Variants in NBAS observed in about 807,000 individuals in gnomAD.
The protein encoded by NBAS is NAG/BC035112 fusion.
NBAS carries 219 observed loss-of-function variants against 302.5 expected under a neutral mutation model. That is an observed-to-expected ratio of 0.72 (90% CI 0.65 to 0.81). The LOEUF is 0.81. Among genes scored for constraint, NBAS ranks in the 30% least tolerant of loss-of-function variants. NBAS has a pLI of 0.00. For synonymous variants in NBAS, 1,118 were observed against 1,021.6 expected (o/e 1.09, Z -1.80); for missense variants, 2,932 against 2,841.6 (o/e 1.03, Z -0.72).
chr2:15,446,835 C>T (rs1678771913), intron 21 of NBAS, among the ~76,000 whole-genome samples: 1 of 149,856 alleles, frequency 6.7e-6, no homozygotes, highest in Non-Finnish European at 1.5e-5. Context: ...TGAAGTTAGA[C>T]TATTATAAGT....
the NBAS span, among the ~76,000 whole-genome samples, chr2:14,793,117 TAAG>T: frequency 6.6e-6 from 1 of 151,434 alleles, no homozygotes; most frequent in African/African-American, 2.4e-5. Flanking sequence ...ATGAACAAAG[TAAG>T]AAGGAGGCCA....
the NBAS span, among the ~76,000 whole-genome samples, chr2:15,080,292 T>C: frequency 2.0e-4 from 30 of 152,222 alleles, no homozygotes; most frequent in Non-Finnish European, 4.0e-4. Context: ...CACCTAGAGA[T>C]AAGGTATTAA....
the NBAS span, among the ~76,000 whole-genome samples, chr2:14,871,381 C>T: frequency 1.3e-5 from 2 of 151,972 alleles, no homozygotes; most frequent in Non-Finnish European, 2.9e-5. Context: ...ACTTTTTAGA[C>T]ATATGACATC....
At chr2:15,514,436 A>G (rs889202634) in intron 9 of NBAS, among the ~76,000 whole-genome samples, 1 of 152,198 alleles carries the variant, frequency 6.6e-6, no homozygotes, top group African/African-American at 2.4e-5. Flanking sequence ...AAAATATGTG[A>G]TTCATAAAAC....
intron 38 of NBAS, among the ~76,000 whole-genome samples, chr2:15,311,815 C>A (rs1671289668): frequency 6.6e-6 from 1 of 152,038 alleles, no homozygotes; most frequent in South Asian, 2.1e-4. Context: ...TTGCCTAGTG[C>A]CAACACACAA....
intron 28 of NBAS, among the ~76,000 whole-genome samples, chr2:15,387,319 G>A (rs555857851): frequency 6.6e-6 from 1 of 151,948 alleles, no homozygotes; most frequent in African/African-American, 2.4e-5. Flanking sequence ...CGCCCGCCTC[G>A]GCCTCCCAAA....
chr2:15,353,741 C>T, intron 33 of NBAS, 31 bp from the exon 34 acceptor site: 1 of 1,613,496 alleles, frequency 6.2e-7, no homozygotes, highest in Non-Finnish European at 8.5e-7. Context: ...AAAATGATTC[C>T]CAAAAGAAGA....
At chr2:14,967,325 AG>A in the NBAS span, among the ~76,000 whole-genome samples, 1 of 152,198 alleles carries the variant, frequency 6.6e-6, no homozygotes, top group Non-Finnish European at 1.5e-5. Flanking sequence ...CTAAGGATCT[AG>A]AATAGACTAA....
At chr2:15,337,422 C>T (rs1031681564) in intron 35 of NBAS, among the ~76,000 whole-genome samples, 1 of 151,528 alleles carries the variant, frequency 6.6e-6, no homozygotes, top group Non-Finnish European at 1.5e-5. Context: ...CTCATGTAAC[C>T]AAATACCACC....
chr2:15,234,789 A>G, intron 45 of NBAS, 42 bp from the exon 46 acceptor site: 1 of 1,584,354 alleles, frequency 6.3e-7, no homozygotes, highest in Non-Finnish European at 8.7e-7. Flanking sequence ...TCAAATAGAA[A>G]TTAAATGTAT....
chr2:14,997,358 C>G, the NBAS span, among the ~76,000 whole-genome samples: 8 of 151,960 alleles, frequency 5.3e-5, no homozygotes, highest in Middle Eastern at 3.4e-3. Context: ...TACGTGGCTT[C>G]CCTTTCTAGT....
chr2:14,849,801 C>T, the NBAS span, among the ~76,000 whole-genome samples: 2 of 141,478 alleles, frequency 1.4e-5, no homozygotes, highest in African/African-American at 3.0e-5. Context: ...AAAGAATTTT[C>T]AACCCAGAAT....
chr2:15,352,862 A>T (rs941038390), intron 34 of NBAS, among the ~76,000 whole-genome samples: 3 of 151,848 alleles, frequency 2.0e-5, no homozygotes, highest in African/African-American at 7.3e-5. Flanking sequence ...CTATAGGGAA[A>T]CTGTCTTTCC....
chr2:15,472,066 C>T (rs918581392), intron 16 of NBAS, among the ~76,000 whole-genome samples: 15 of 152,140 alleles, frequency 9.9e-5, no homozygotes, highest in African/African-American at 3.1e-4. Context: ...AGGCATATTT[C>T]GCAGTTTTCA....
the NBAS span, among the ~76,000 whole-genome samples, chr2:14,930,370 G>A: frequency 6.6e-6 from 1 of 152,192 alleles, no homozygotes; most frequent in Non-Finnish European, 1.5e-5. Flanking sequence ...GAGTGTGGAA[G>A]CATGGAATAG....
chr2:15,159,934 C>A, the NBAS span, among the ~76,000 whole-genome samples: 8 of 152,072 alleles, frequency 5.3e-5, no homozygotes, highest in African/African-American at 1.9e-4. Flanking sequence ...GATATTGTTT[C>A]ATCTCTGTGA....
chr2:15,398,292 C>T (rs1040855809), intron 26 of NBAS, among the ~76,000 whole-genome samples: 32 of 152,120 alleles, frequency 2.1e-4, no homozygotes, highest in African/African-American at 7.0e-4. Context: ...TAAAGCTGTA[C>T]GCTACCAAAC....
intron 6 of NBAS, among the ~76,000 whole-genome samples, chr2:15,548,971 C>T (rs1020136095): frequency 5.3e-5 from 8 of 151,986 alleles, no homozygotes; most frequent in Non-Finnish European, 1.0e-4. Context: ...AGTCTTTTAT[C>T]GTAAATTAGA....
the NBAS span, among the ~76,000 whole-genome samples, chr2:15,071,819 A>G: frequency 6.6e-6 from 1 of 152,106 alleles, no homozygotes; most frequent in Non-Finnish European, 1.5e-5. Flanking sequence ...AGCATGTCTC[A>G]TCCTCCTGCT....
Sources: gnomAD v4.1 joint callset for allele counts (sites outside exome capture counted in the v4.1 genomes callset) on GRCh38, gnomAD v4.1.1 for gene constraint, MANE v1.5 for transcripts, NCBI Gene and HGNC (gene_info 2026-07-23, HGNC 2026-07-21) for gene names.